Variants in CAMTA1 observed in about 807,000 individuals in gnomAD.
CAMTA1 encodes calmodulin binding transcription activator 1, also known as calmodulin-binding transcription activator 1.
A neutral mutation model predicts 170.9 loss-of-function variants in CAMTA1; 27 were observed. The ratio of observed to expected loss-of-function variants is 0.16; its 90% CI spans 0.12 to 0.22. CAMTA1 has a LOEUF of 0.22. Among genes scored for constraint, CAMTA1 ranks in the 10% least tolerant of loss-of-function variants. The pLI, the probability that CAMTA1 is intolerant of heterozygous loss-of-function variation, is 1.00. For synonymous variants in CAMTA1, 833 were observed against 891.5 expected (o/e 0.93, Z 1.17); for missense variants, 1,619 against 2,217.2 (o/e 0.73, Z 5.42).
rs528262250 is a variant in CAMTA1, at chr1:7,299,080, T to C, written c.438+49454T>C. Among the ~76,000 whole-genome samples, 4 of 152,324 alleles carry C rather than the reference T, an allele frequency of 2.6e-5. No homozygotes were observed. The highest frequency in any genetic ancestry group is 1.3e-4 in the Admixed American group (2 of 15,294). Reference sequence around the variant, plus strand: ...GACTTGCTGTGTGACCTTAAGCAAGTACCTTCCCCTCTCTAGGTCTGCTTC... The same window carrying C: ...GACTTGCTGTGTGACCTTAAGCAAGCACCTTCCCCTCTCTAGGTCTGCTTC... On this transcript the variant is annotated intron_variant, in intron 5 of 22. Transcript: ENST00000303635. The surrounding 1 kb of genome is among the most constrained non-coding windows in gnomAD (Gnocchi z 4.7).
intron 4 of CAMTA1, among the ~76,000 whole-genome samples, chr1:7,133,856 T>C (rs1383028429): frequency 1.3e-5 from 2 of 152,220 alleles, no homozygotes; most frequent in East Asian, 1.9e-4. Context: ...GATAGAGTCA[T>C]AGATTATTTG....
chr1:6,859,772 G>A lies in CAMTA1; in HGVS notation c.234+34562G>A, dbSNP rs144198081. Among the ~76,000 whole-genome samples the A allele has an allele frequency of 9.2e-5, 14 of 152,314 alleles. No individual in the cohort carries two copies. In the East Asian group the frequency reaches 2.7e-3, roughly 29 times the overall value. ...CGAGTGCACCCCAGCCTGTGCAACA[G>A]AGTAAGTCCGTGTCTCAAAAAAAAG... On this transcript the variant is annotated intron_variant, in intron 3 of 22. Transcript: ENST00000303635.
At position 7,580,717 on chromosome 1, in the gene CAMTA1, C is replaced by T. The variant is rs1383266882; in HGVS notation, c.511-59683C>T. Among the ~76,000 whole-genome samples the T allele has an allele frequency of 6.6e-6, 1 of 152,154 alleles. No homozygotes were observed. Among genetic ancestry groups the T allele is most frequent in the African/African-American group, 2.4e-5 (1 of 41,450 alleles). On this transcript the variant is annotated intron_variant, in intron 6 of 22. Coordinates refer to ENST00000303635, the MANE Select transcript of CAMTA1 (RefSeq NM_015215.4). The surrounding 1 kb of genome is among the most constrained non-coding windows in gnomAD (Gnocchi z 4.3). ...TGTGCAAAATCCCTCCTGTGCTGGTCTTCCTGGATGGGCTGCCGGTCGGAG... is the reference window on the plus strand; with the variant it reads ...TGTGCAAAATCCCTCCTGTGCTGGTTTTCCTGGATGGGCTGCCGGTCGGAG...
At chr1:7,645,937 C>A (rs58167413) in intron 7 of CAMTA1, among the ~76,000 whole-genome samples, 1 of 152,174 alleles carries the variant, frequency 6.6e-6, no homozygotes, top group Non-Finnish European at 1.5e-5. Context: ...ACCTCCATGG[C>A]AGGTGGTGGA....
intron 3 of CAMTA1, among the ~76,000 whole-genome samples, chr1:7,042,080 C>T (rs1704547491): frequency 2.5e-5 from 3 of 121,782 alleles, no homozygotes; most frequent in Non-Finnish European, 5.8e-5. Flanking sequence ...CTTGCTTGTG[C>T]TAAGGTTTGT....
At chr1:7,081,109 A>G (rs149741447) in intron 3 of CAMTA1, among the ~76,000 whole-genome samples, 18 of 152,362 alleles carry the variant, frequency 1.2e-4, no homozygotes, top group African/African-American at 3.6e-4. Context: ...GCGGATGTCA[A>G]TTAGAACAGA....
chr1:7,044,489 T>C lies in CAMTA1; in HGVS notation c.235-46815T>C, dbSNP rs1489472890. Among the ~76,000 whole-genome samples the C allele has an allele frequency of 6.6e-6, 1 of 152,138 alleles. No homozygotes were observed. The highest frequency in any genetic ancestry group is 1.5e-5 in the Non-Finnish European group (1 of 68,010). On this transcript the variant is annotated intron_variant, in intron 3 of 22. Coordinates refer to ENST00000303635, the MANE Select transcript of CAMTA1 (RefSeq NM_015215.4). The surrounding 1 kb of genome is among the most constrained non-coding windows in gnomAD (Gnocchi z 5.0). ...ATCATGCCCCTCTGCATGTAACCGA[T>C]GGCACAAACACCAGGCCTTCAGCAG...
chr1:7,141,787 G>A (rs1645904378), intron 4 of CAMTA1, among the ~76,000 whole-genome samples: 1 of 152,182 alleles, frequency 6.6e-6, no homozygotes, highest in Non-Finnish European at 1.5e-5. Flanking sequence ...TCTGGAACCT[G>A]CCAGCTGGCA....
chr1:7,276,492 G>T (rs1670750987), intron 5 of CAMTA1, among the ~76,000 whole-genome samples: 2 of 150,802 alleles, frequency 1.3e-5, no homozygotes, highest in African/African-American at 4.9e-5. Context: ...TGTATTTTTA[G>T]TAGAGGAAGG....
intron 3 of CAMTA1, among the ~76,000 whole-genome samples, chr1:7,084,981 T>A (rs1292054435): frequency 6.6e-6 from 1 of 152,278 alleles, no homozygotes; most frequent in African/African-American, 2.4e-5. Flanking sequence ...CTAGAAATTT[T>A]AAAAATCTTT....
chr1:7,518,165 T>A (rs2094312079), intron 6 of CAMTA1, among the ~76,000 whole-genome samples: 1 of 152,000 alleles, frequency 6.6e-6, no homozygotes, highest in Admixed American at 6.5e-5. Flanking sequence ...ATATGGCTCC[T>A]ATCAGCAACT....
At chr1:7,016,448 G>A (rs1411945027) in intron 3 of CAMTA1, among the ~76,000 whole-genome samples, 1 of 152,148 alleles carries the variant, frequency 6.6e-6, no homozygotes, top group South Asian at 2.1e-4. Flanking sequence ...GACCACAATG[G>A]GTAACAGGAA....
At chr1:6,812,565 AATGT>A (rs1645304875) in intron 1 of CAMTA1, among the ~76,000 whole-genome samples, 1 of 152,158 alleles carries the variant, frequency 6.6e-6, no homozygotes, top group African/African-American at 2.4e-5. Flanking sequence ...TTTTTTACTG[AATGT>A]ATTCTAGTTG....
At chr1:7,503,653 C>G (rs1027039330) in intron 6 of CAMTA1, among the ~76,000 whole-genome samples, 3 of 152,172 alleles carry the variant, frequency 2.0e-5, no homozygotes, top group African/African-American at 7.2e-5. Context: ...AGTAAAACCC[C>G]AAGTCTAGGG....
intron 3 of CAMTA1, among the ~76,000 whole-genome samples, chr1:7,000,177 C>A (rs1212671343): frequency 6.6e-6 from 1 of 152,190 alleles, no homozygotes; most frequent in African/African-American, 2.4e-5. Context: ...GGAGCTGGGC[C>A]ACCGAAAGCT....
intron 3 of CAMTA1, among the ~76,000 whole-genome samples, chr1:6,972,927 C>T (rs561523368): frequency 2.6e-5 from 4 of 152,084 alleles, no homozygotes; most frequent in South Asian, 2.1e-4. Context: ...TCTTGGCTCA[C>T]GGTAACCCCC....
chr1:7,230,445 G>GC (rs1553279860), intron 4 of CAMTA1, among the ~76,000 whole-genome samples: 10 of 47,926 alleles, frequency 2.1e-4, no homozygotes, highest in African/African-American at 1.3e-3. Flanking sequence ...CCCCCCCCCC[G>GC]CCCCGCAAAG....
chr1:6,918,559 G>A lies in CAMTA1; in HGVS notation c.234+93349G>A, dbSNP rs1048361504. Among the ~76,000 whole-genome samples the A allele has an allele frequency of 2.0e-5, 3 of 152,206 alleles. No homozygotes were observed. The highest frequency in any genetic ancestry group is 7.2e-5 in the African/African-American group (3 of 41,444). On this transcript the variant is annotated intron_variant, in intron 3 of 22. Coordinates refer to ENST00000303635, the MANE Select transcript of CAMTA1 (RefSeq NM_015215.4). This position sits in a 1 kb window ranked among gnomAD's most constrained non-coding sequence, Gnocchi z 4.0. ...TTGAGAAATACTGTGGCTTCAAAAC[G>A]GTATTTATCTGGCATTGGGAAACCA...
intron 9 of CAMTA1, among the ~76,000 whole-genome samples, chr1:7,670,471 G>A (rs1189298563): frequency 1.3e-5 from 2 of 152,136 alleles, no homozygotes; most frequent in Admixed American, 1.3e-4. Flanking sequence ...AGATGCTCAG[G>A]CCTGTTTTCA....
Sources: gnomAD v4.1 joint callset for allele counts (sites outside exome capture counted in the v4.1 genomes callset) on GRCh38, gnomAD v4.1.1 for gene constraint, Gnocchi (gnomAD v3.1) non-coding constraint, MANE v1.5 for transcripts, NCBI Gene and HGNC (gene_info 2026-07-23, HGNC 2026-07-21) for gene names.